The following CAST variants were observed in gnomAD, a reference collection of about 807,000 sequenced individuals.
The protein encoded by CAST is MIR583 host.
Under a neutral mutation model 119.6 loss-of-function variants are expected in CAST, and 76 were observed. The ratio of observed to expected loss-of-function variants is 0.64; its 90% confidence interval spans 0.53 to 0.77. CAST has a LOEUF of 0.77. Among genes scored for constraint, CAST ranks in the 30% least tolerant of loss-of-function variants. The pLI is 0.00. For missense variants in CAST, 953 were observed against 946.5 expected, an observed-to-expected ratio of 1.01 and a Z score of -0.09; for synonymous variants, 319 against 331.6, an observed-to-expected ratio of 0.96 and a Z score of 0.41.
chr5:96,074,632 G>A, the CAST span, among the ~76,000 whole-genome samples: 1 of 152,288 alleles, frequency 6.6e-6, no homozygotes, highest in Middle Eastern at 3.4e-3. Context: ...AGTTTCCACT[G>A]CTTCCCACAA....
the CAST span, among the ~76,000 whole-genome samples, chr5:96,003,099 G>A: frequency 3.1e-4 from 47 of 152,070 alleles, no homozygotes; most frequent in Admixed American, 3.1e-3. Flanking sequence ...AGTTAGCCAG[G>A]CATGGTGGCA....
At chr5:96,216,940 C>T in the CAST span, among the ~76,000 whole-genome samples, 2 of 152,146 alleles carry the variant, frequency 1.3e-5, no homozygotes, top group East Asian at 3.8e-4. Flanking sequence ...ATCCATTGTG[C>T]TTTCTGTTGC....
At chr5:96,724,753 A>T (rs1361419692) in intron 4 of CAST, among the ~76,000 whole-genome samples, 1 of 151,944 alleles carries the variant, frequency 6.6e-6, no homozygotes, top group African/African-American at 2.4e-5. Context: ...AGCCCAGGAG[A>T]TCAAGGCTGC....
chr5:96,742,719 C>G lies in CAST; in HGVS notation c.1163C>G (p.Pro388Arg), dbSNP rs780492354. 1.2e-6 allele frequency: 2 copies of G among 1,614,014 alleles called. No individual in the cohort carries two copies. ...SASLGTRQAE[P>R]ELDLRSIKEV... ...TCACTGGGCACCCGGCAAGCAGAAC[C>G]TGAGCTCGACCTCCGCTCAATTAAG... The change falls in exon 16 of 32, where the codon CCT becomes CGT. Residue 388 changes from proline (P) to arginine (R), a missense_variant. Physicochemically the swap from Pro to Arg is moderately radical, Grantham distance 103. Coordinates refer to ENST00000675179, the MANE Select transcript of CAST (RefSeq NM_001750.7).
At chr5:96,383,109 G>A in the CAST span, among the ~76,000 whole-genome samples, 1 of 152,154 alleles carries the variant, frequency 6.6e-6, no homozygotes, top group Admixed American at 6.6e-5. Context: ...GTGTGTGGTT[G>A]CCTTGTGATA....
chr5:96,600,984 C>T (rs1747139351), intron 1 of CAST, among the ~76,000 whole-genome samples: 1 of 152,132 alleles, frequency 6.6e-6, no homozygotes. Flanking sequence ...TTTCCTTCTG[C>T]TTTTCTTCTG....
At chr5:96,169,499 T>C in the CAST span, among the ~76,000 whole-genome samples, 9 of 152,302 alleles carry the variant, frequency 5.9e-5, no homozygotes, top group African/African-American at 2.2e-4. Context: ...AACTAACTTG[T>C]AAGACTTGTC....
chr5:96,507,770 G>A, the CAST span, among the ~76,000 whole-genome samples: 3 of 152,034 alleles, frequency 2.0e-5, no homozygotes, highest in Non-Finnish European at 4.4e-5. Context: ...ATTATGAAAA[G>A]CCATTCACAC....
At chr5:96,080,753 G>A in the CAST span, among the ~76,000 whole-genome samples, 1 of 152,152 alleles carries the variant, frequency 6.6e-6, no homozygotes, top group South Asian at 2.1e-4. Flanking sequence ...TGTGTGGAAT[G>A]ACCTTCCCCC....
At chr5:96,318,146 C>A in the CAST span, among the ~76,000 whole-genome samples, 2 of 152,202 alleles carry the variant, frequency 1.3e-5, no homozygotes, top group East Asian at 3.8e-4. Flanking sequence ...ATATTTGTAA[C>A]CATAAGACGC....
At chr5:96,149,806 C>T in the CAST span, among the ~76,000 whole-genome samples, 1 of 152,164 alleles carries the variant, frequency 6.6e-6, no homozygotes, top group Non-Finnish European at 1.5e-5. Flanking sequence ...CTGTCTGAGC[C>T]TCAGGCATTT....
At chr5:96,619,048 A>C (rs910480377) in intron 1 of CAST, among the ~76,000 whole-genome samples, 1 of 150,146 alleles carries the variant, frequency 6.7e-6, no homozygotes, top group African/African-American at 2.5e-5. Flanking sequence ...GTCTAGCTAA[A>C]GGTTTGTAAA....
At chr5:96,274,576 A>AT in the CAST span, among the ~76,000 whole-genome samples, 1 of 152,236 alleles carries the variant, frequency 6.6e-6, no homozygotes, top group African/African-American at 2.4e-5. Context: ...TTGTGTCACT[A>AT]TTAAAGTTGC....
chr5:96,116,697 T>C, the CAST span, among the ~76,000 whole-genome samples: 2 of 152,264 alleles, frequency 1.3e-5, no homozygotes, highest in African/African-American at 4.8e-5. Context: ...AGGCTTATTG[T>C]TTATTTGCAT....
chr5:96,686,452 C>G (rs1171573610), intron 2 of CAST, among the ~76,000 whole-genome samples: 2 of 152,114 alleles, frequency 1.3e-5, no homozygotes, highest in African/African-American at 4.8e-5. Flanking sequence ...GTAGAGGAAG[C>G]TGGGTGCTCC....
chr5:96,242,955 T>C, the CAST span, among the ~76,000 whole-genome samples: 8 of 152,224 alleles, frequency 5.3e-5, no homozygotes, highest in East Asian at 1.9e-4. Context: ...TATTTCTTTT[T>C]TGGATACATC....
the CAST span, among the ~76,000 whole-genome samples, chr5:95,987,114 G>T: frequency 6.6e-6 from 1 of 151,996 alleles, no homozygotes; most frequent in African/African-American, 2.4e-5. Flanking sequence ...CTGACCTTCG[G>T]ACCCTTGCTG....
At chr5:96,694,689 A>G (rs751986495) in intron 2 of CAST, among the ~76,000 whole-genome samples, 12 of 152,232 alleles carry the variant, frequency 7.9e-5, no homozygotes, top group Non-Finnish European at 1.2e-4. Context: ...TTTGAAATAT[A>G]GATATTCATA....
chr5:96,340,196 T>C, the CAST span, among the ~76,000 whole-genome samples: 3 of 152,330 alleles, frequency 2.0e-5, no homozygotes, highest in East Asian at 1.9e-4. Context: ...TACACTCTTA[T>C]CTAATTTGCG....
Sources: allele counts gnomAD v4.1 joint callset (sites outside exome capture counted in the v4.1 genomes callset), GRCh38; gene constraint gnomAD v4.1.1; transcripts MANE v1.5; gene names NCBI Gene and HGNC (gene_info 2026-07-23, HGNC 2026-07-21).